The following KIAA0586 variants were observed in gnomAD, a reference collection of about 807,000 sequenced individuals.
The protein encoded by KIAA0586 is protein TALPID3.
KIAA0586 carries 144 observed loss-of-function variants against 169.8 expected under a neutral mutation model. The ratio of observed to expected loss-of-function variants is 0.85; its 90% CI spans 0.74 to 0.97. The LOEUF (loss-of-function observed/expected upper bound fraction) is 0.97. Ranked by LOEUF, KIAA0586 falls within the 50% of genes least tolerant of loss-of-function variation. KIAA0586 has a pLI of 0.00. For missense variants in KIAA0586, 1,854 were observed against 1,823.0 expected, an observed-to-expected ratio of 1.02 and a Z score of -0.31; for synonymous variants, 625 against 612.4, an observed-to-expected ratio of 1.02 and a Z score of -0.30.
At chr14:58,544,196 A>G (rs1424061798) in intron 30 of KIAA0586, among the ~76,000 whole-genome samples, 3 of 152,082 alleles carry the variant, frequency 2.0e-5, no homozygotes, top group Non-Finnish European at 4.4e-5. Context: ...AAAAGACATG[A>G]TCTTGTTCTT....
intron 6 of KIAA0586, among the ~76,000 whole-genome samples, chr14:58,445,625 G>T (rs1421550387): frequency 6.6e-6 from 1 of 151,370 alleles, no homozygotes; most frequent in South Asian, 2.1e-4. Flanking sequence ...GTAGAGACAG[G>T]GTTCTACCAT....
chr14:58,500,891 C>T (rs1355262489), intron 27 of KIAA0586, among the ~76,000 whole-genome samples: 2 of 152,106 alleles, frequency 1.3e-5, no homozygotes, highest in Non-Finnish European at 2.9e-5. Context: ...TGGAATGTAT[C>T]GTTGTTCAGC....
At chr14:58,508,480 A>G (rs973572188) in intron 27 of KIAA0586, 75 bp from the exon 28 acceptor site, 1 of 1,160,472 alleles carries the variant, frequency 8.6e-7, no homozygotes, top group East Asian at 2.6e-5. Flanking sequence ...TGGTGGTTTT[A>G]GTCAACTACT....
chr14:58,466,017 G>T lies in KIAA0586; in HGVS notation c.2242G>T (p.Ala748Ser). 1 of 1,599,888 alleles carries T rather than the reference G, an allele frequency of 6.3e-7. No individual in the cohort carries two copies. Among genetic ancestry groups the T allele is most frequent in the Non-Finnish European group, 8.5e-7 (1 of 1,173,710 alleles). Residue 748 changes from alanine to serine, a missense_variant, in exon 15 of 31, where the codon GCA (alanine) becomes TCA (serine). Physicochemically the swap from Ala to Ser is moderately conservative, Grantham distance 99 (BLOSUM62 1). Coordinates refer to ENST00000652326, the MANE Select transcript of KIAA0586 (RefSeq NM_001329943.3). ...GTLEGHLIPM[A>S]ILLGQTQSNS... ...ATTGGAAGGTCATCTGATTCCTATG[G>T]CAATTCTTTTAGGTAAGAATCAACA... is the stretch of plus-strand genomic sequence containing the variant.
intron 29 of KIAA0586, among the ~76,000 whole-genome samples, chr14:58,517,308 G>A (rs772158391): frequency 1.4e-4 from 22 of 152,120 alleles, no homozygotes; most frequent in African/African-American, 4.8e-4. Context: ...TTTTTAAAAT[G>A]CATAAAAGAT....
intron 29 of KIAA0586, 146 bp from the exon 30 acceptor site, chr14:58,539,925 C>A: frequency 1.8e-6 from 1 of 546,974 alleles, no homozygotes; most frequent in Non-Finnish European, 3.2e-6. Flanking sequence ...TACATTCAGG[C>A]CACTAGATCA....
intron 29 of KIAA0586, among the ~76,000 whole-genome samples, chr14:58,522,332 C>T (rs974372131): frequency 4.6e-5 from 7 of 152,114 alleles, no homozygotes; most frequent in African/African-American, 1.4e-4. Context: ...TTCATTCATA[C>T]GTAAGTTCAG....
the KIAA0586 span, among the ~76,000 whole-genome samples, chr14:58,557,928 T>TTTTTTGG: frequency 1.6e-5 from 2 of 127,308 alleles, no homozygotes; most frequent in Admixed American, 8.1e-5. Flanking sequence ...TTTTTTTTTT[T>TTTTTTGG]GAGACAGGGT....
chr14:58,508,809 T>C, intron 28 of KIAA0586, 100 bp downstream of exon 28: 1 of 832,294 alleles, frequency 1.2e-6, no homozygotes, highest in Non-Finnish European at 1.9e-6. Flanking sequence ...TGGAGTCAGA[T>C]AGCTTCAAAT....
chr14:58,472,252 C>A lies in KIAA0586; in HGVS notation c.2607C>A (p.Asn869Lys). 6.3e-7 allele frequency: 1 copy of A among 1,579,450 alleles called. No individual in the cohort carries two copies. Among genetic ancestry groups the A allele is most frequent in the Non-Finnish European group, 8.6e-7 (1 of 1,162,856 alleles). ...DEEEVKFPGT[N>K]FDEIIDVIQE... ...AAGAGGTGAAGTTTCCAGGAACTAA[C>A]TTTGATGAAATAATCGATGTCATAC... is the stretch of plus-strand genomic sequence containing the variant. The change falls in exon 18 of 31, where the codon AAC becomes AAA. Residue 869 changes from asparagine (N) to lysine (K), a missense_variant. By Grantham distance (94) the Asn-to-Lys change is moderately conservative. Coordinates refer to ENST00000652326, the MANE Select transcript of KIAA0586 (RefSeq NM_001329943.3).
chr14:58,451,355 T>C (rs2039371349), intron 8 of KIAA0586, among the ~76,000 whole-genome samples: 1 of 152,018 alleles, frequency 6.6e-6, no homozygotes, highest in South Asian at 2.1e-4. Flanking sequence ...GCCTCCTGAG[T>C]AGCTGGGACT....
Position 58,428,449 on chromosome 14 carries a change from A to G in KIAA0586, c.185A>G (p.Asn62Ser), listed in dbSNP as rs1007239635. The change falls in exon 1 of 31, where the codon AAT (asparagine) becomes AGT (serine). Residue 62 changes from asparagine (N) to serine (S), a missense_variant. By Grantham distance (46) the Asn-to-Ser change is conservative. Coordinates refer to ENST00000652326, the MANE Select transcript of KIAA0586 (RefSeq NM_001329943.3). ...CCTGTTGGAACGGGGACTAGTTTGA[A>G]TGGAACATCACGTGGTATGTGATTC... The part of the protein sequence containing the change: ...RLPVGTGTSL[N>S]GTSRGSSDLT... The G allele has an allele frequency of 6.2e-7, 1 of 1,612,038 alleles. No individual in the cohort carries two copies. The highest frequency in any genetic ancestry group is 8.5e-7 in the Non-Finnish European group (1 of 1,178,054).
intron 17 of KIAA0586, 45 bp downstream of exon 17, chr14:58,470,768 T>A: frequency 2.2e-6 from 2 of 928,724 alleles, no homozygotes; most frequent in Non-Finnish European, 3.5e-6. Context: ...AATGTCTGAC[T>A]GTAGATTTTA....
At position 58,427,995 on chromosome 14, in the gene KIAA0586, T is replaced by A; in HGVS notation, c.-270T>A. ...GTTGGGGAGTGCACTGTTATGGTTA[T>A]TGTTGCTCCTGTGGCCATTCTCTTG... On this transcript the variant is annotated 5_prime_UTR_variant, in exon 1 of 31. It adds an upstream start codon to the 5' untranslated region. Coordinates refer to ENST00000652326, the MANE Select transcript of KIAA0586 (RefSeq NM_001329943.3). 7.0e-7 allele frequency: 1 copy of A among 1,424,076 alleles called. No individual in the cohort carries two copies. The allele number at this position is 1,424,076 out of a possible 1,614,324, so 88.2% of individuals were successfully genotyped here. A position where few individuals can be genotyped will look rare whatever the true frequency, so the allele number is the denominator to read the frequency against.
At chr14:58,525,274 G>A (rs1327384558) in intron 29 of KIAA0586, among the ~76,000 whole-genome samples, 1 of 152,004 alleles carries the variant, frequency 6.6e-6, no homozygotes, top group African/African-American at 2.4e-5. Flanking sequence ...TGGGCAAGAT[G>A]GCTGAACAGG....
chr14:58,445,068 A>C (rs544881518), intron 6 of KIAA0586, among the ~76,000 whole-genome samples: 4 of 151,854 alleles, frequency 2.6e-5, no homozygotes, highest in African/African-American at 9.7e-5. Flanking sequence ...ACTTCATCCT[A>C]GATGACAGAG....
At position 58,427,932 on chromosome 14, in the gene KIAA0586, C is replaced by G; in HGVS notation, c.-333C>G. The G allele has an allele frequency of 7.3e-7, 1 of 1,373,128 alleles. No homozygotes were observed. 85.1% of individuals were successfully genotyped at this position (1,373,128 alleles called of 1,614,324 possible). ...CTCTTCTCAACAAATTTTAAGCCCG[C>G]CACTACATGTGTTTGGTTTTGCCCT... On this transcript the variant is annotated 5_prime_UTR_variant, in exon 1 of 31. Transcript: ENST00000652326.
At chr14:58,536,935 A>G (rs2046324084) in intron 29 of KIAA0586, 6 of 846,842 alleles carry the variant, frequency 7.1e-6, no homozygotes, top group African/African-American at 1.8e-5. Context: ...ATAGAACTTT[A>G]TAGATCAAAT....
intron 29 of KIAA0586, chr14:58,537,138 A>G (rs1337546828): frequency 4.5e-6 from 5 of 1,102,786 alleles, no homozygotes; most frequent in South Asian, 4.2e-5. Flanking sequence ...TCACCCTTCC[A>G]GTAAACCTCG....
Sources: allele counts gnomAD v4.1 joint callset (sites outside exome capture counted in the v4.1 genomes callset), GRCh38; gene constraint gnomAD v4.1.1; transcripts MANE v1.5; gene names NCBI Gene and HGNC (gene_info 2026-07-23, HGNC 2026-07-21).